Variants in KLHDC2 observed in about 807,000 individuals in gnomAD.
KLHDC2 encodes the protein kelch domain containing 2.
Under a neutral mutation model 62.3 loss-of-function variants are expected in KLHDC2, and 38 were observed. That is an observed-to-expected ratio of 0.61 (90% CI 0.47 to 0.80). KLHDC2 has a LOEUF of 0.80. Among genes scored for constraint, KLHDC2 ranks in the 30% least tolerant of loss-of-function variants. The probability of loss-of-function intolerance (pLI) is 0.00; values close to 1 mark genes in which losing one functional copy is unlikely to be tolerated. For missense variants in KLHDC2, 430 were observed against 495.3 expected (o/e 0.87, Z 1.25); for synonymous variants, 159 against 161.0 (o/e 0.99, Z 0.09).
Position 49,771,616 on chromosome 14 carries a change from A to G in KLHDC2, c.176A>G (p.Tyr59Cys). 6.7e-7 allele frequency: 1 copy of G among 1,492,970 alleles called. No individual in the cohort carries two copies. Among genetic ancestry groups the G allele is most frequent in the Non-Finnish European group, 9.3e-7 (1 of 1,070,052 alleles). 92.5% of individuals were successfully genotyped at this position (1,492,970 alleles called of 1,614,324 possible). A position where few individuals can be genotyped will look rare whatever the true frequency, so the allele number is the denominator to read the frequency against. Reference sequence around the variant, plus strand: ...TAGAGTAATCAAGTCAGAGGATTATATGACTTTTATCTGCCTAGAGAAGAA... The same window carrying G: ...TAGAGTAATCAAGTCAGAGGATTATGTGACTTTTATCTGCCTAGAGAAGAA... The part of the protein sequence containing the change: ...GYKSNQVRGL[Y>C]DFYLPREELW... The change falls in exon 2 of 13, where the codon TAT becomes TGT. Residue 59 changes from tyrosine (Y) to cysteine (C), a missense_variant. By Grantham distance (194) the Tyr-to-Cys change is radical (BLOSUM62 -2). Coordinates refer to ENST00000298307, the MANE Select transcript of KLHDC2 (RefSeq NM_014315.3).
At chr14:49,779,390 C>T (rs1218989635) in intron 6 of KLHDC2, among the ~76,000 whole-genome samples, 3 of 152,130 alleles carry the variant, frequency 2.0e-5, no homozygotes, top group African/African-American at 7.2e-5. Context: ...GTTAGCCAGC[C>T]CATTCAGTAA....
In KLHDC2 at chr14:49,778,199, T is replaced by C; in HGVS notation, c.489T>C (p.Tyr163=). Residue 163 remains tyrosine (Y), a synonymous_variant, in exon 5 of 13, where the codon TAT becomes TAC. Coordinates refer to ENST00000298307, the MANE Select transcript of KLHDC2 (RefSeq NM_014315.3). ...ACAGGTTAATATTTTTTGGAGGGTA[T>C]GGATATTTGCCTGAAGATAAAGTAT... ...YKNKLIFFGG[Y]GYLPEDKVLG... is the part of the protein sequence containing the mutation. The C allele has an allele frequency of 6.2e-7, 1 of 1,607,154 alleles. No individual in the cohort carries two copies. The highest frequency in any genetic ancestry group is 1.7e-5 in the Admixed American group (1 of 59,012).
intron 1 of KLHDC2, among the ~76,000 whole-genome samples, chr14:49,770,372 C>T (rs1889637648): frequency 6.6e-6 from 1 of 152,202 alleles, no homozygotes; most frequent in African/African-American, 2.4e-5. Context: ...CAGGCTGGTC[C>T]CCTGTGGGTC....
At position 49,779,683 on chromosome 14, in the gene KLHDC2, T is replaced by C; in HGVS notation, c.714+8T>C. Reference sequence around the variant, plus strand: ...TTTGGAGGCAGATATCGAGTAAGTATTCAAACGACTTCAATGACTTGCTTT... The same window carrying C: ...TTTGGAGGCAGATATCGAGTAAGTACTCAAACGACTTCAATGACTTGCTTT... On this transcript the variant is annotated splice_region_variant and intron_variant, in intron 7 of 12. Coordinates refer to ENST00000298307, the MANE Select transcript of KLHDC2 (RefSeq NM_014315.3). The C allele has an allele frequency of 6.2e-7, 1 of 1,613,166 alleles. No homozygotes were observed.
rs1394768631 is a variant in KLHDC2 at position 49,786,127 on chromosome 14, G to C, written c.*3174G>C. On this transcript the variant is annotated 3_prime_UTR_variant, in exon 13 of 13. Coordinates refer to ENST00000298307, the MANE Select transcript of KLHDC2 (RefSeq NM_014315.3). ...CACGATGAGGGGTGAGAAGGAATAGGTAGGGGCTGCTACTGGGATCTAGTG... is the reference window on the plus strand; with the variant it reads ...CACGATGAGGGGTGAGAAGGAATAGCTAGGGGCTGCTACTGGGATCTAGTG... The C allele has an allele frequency of 6.5e-6, 1 of 153,082 alleles. No individual in the cohort carries two copies. Among genetic ancestry groups the C allele is most frequent in the African/African-American group, 2.4e-5 (1 of 41,408 alleles). The allele number at this position is 153,082 out of a possible 1,614,324, so 9.5% of individuals were successfully genotyped here.
At chr14:49,775,155 G>C (rs1410673163) in intron 3 of KLHDC2, among the ~76,000 whole-genome samples, 1 of 152,164 alleles carries the variant, frequency 6.6e-6, no homozygotes, top group East Asian at 1.9e-4. Flanking sequence ...TTTGTTCCAA[G>C]TAGGAAAAAA....
chr14:49,768,567 C>T lies in KLHDC2; in HGVS notation c.99C>T (p.Ser33=). ...SMELACPAER[S]GHVAVSDGRH... is the part of the protein sequence containing the mutation. ...AGCTTGCCTGCCCCGCTGAGCGCAGCGGCCACGTAGCCGTCAGCGACGGGC... is the reference window on the plus strand; with the variant it reads ...AGCTTGCCTGCCCCGCTGAGCGCAGTGGCCACGTAGCCGTCAGCGACGGGC... Residue 33 remains serine (S), a synonymous_variant, in exon 1 of 13, where the codon AGC becomes AGT. Transcript: ENST00000298307. The T allele has an allele frequency of 6.2e-7, 1 of 1,607,130 alleles. No individual in the cohort carries two copies.
rs761550853 is a variant in KLHDC2, at chr14:49,777,887, A to G, written c.400A>G (p.Arg134Gly). The change falls in exon 4 of 13, where the codon AGA becomes GGA. Residue 134 changes from arginine to glycine, a missense_variant. Physicochemically the swap from Arg to Gly is moderately radical, Grantham distance 125 (BLOSUM62 -2). Coordinates refer to ENST00000298307, the MANE Select transcript of KLHDC2 (RefSeq NM_014315.3). Reference protein sequence around the residue: ...RSTDRVLQWERIDCQGIPPSS... With the variant: ...RSTDRVLQWEGIDCQGIPPSS... ...TACAGACAGAGTGTTACAGTGGGAA[A>G]GAATTGATTGCCAAGGAATTCCTCC... 2 of 1,612,326 alleles carry G rather than the reference A, an allele frequency of 1.2e-6. No homozygotes were observed. The highest frequency in any genetic ancestry group is 1.3e-5 in the African/African-American group (1 of 74,906).
Position 49,783,104 on chromosome 14 carries a change from G to A in KLHDC2, c.*151G>A, listed in dbSNP as rs1889989440. 1 of 617,846 alleles carries A rather than the reference G, an allele frequency of 1.6e-6. No individual in the cohort carries two copies. Among genetic ancestry groups the A allele is most frequent in the African/African-American group, 1.9e-5 (1 of 52,634 alleles). The allele number at this position is 617,846 out of a possible 1,614,324, so 38.3% of individuals were successfully genotyped here. A position where few individuals can be genotyped will look rare whatever the true frequency, so the allele number is the denominator to read the frequency against. ...TGAATGGCCTAGAGAACCTATTTTT[G>A]TGTCTAAAGTTTACAATAAATGTAT... is the stretch of plus-strand genomic sequence containing the variant. On this transcript the variant is annotated 3_prime_UTR_variant, in exon 13 of 13. Transcript: ENST00000298307.
chr14:49,776,549 G>A (rs1235632494), intron 3 of KLHDC2, among the ~76,000 whole-genome samples: 2 of 152,004 alleles, frequency 1.3e-5, no homozygotes, highest in African/African-American at 2.4e-5. Context: ...CACCGAACAT[G>A]TATTTGTTAA....
At chr14:49,768,750 ACT>A (rs1193081195) in intron 1 of KLHDC2, 129 bp downstream of exon 1, 2 of 820,534 alleles carry the variant, frequency 2.4e-6, no homozygotes, top group Admixed American at 7.7e-5. Flanking sequence ...CCCACCTCAG[ACT>A]CTGCCCGTTG....
chr14:49,775,398 T>C (rs1486104396), intron 3 of KLHDC2, among the ~76,000 whole-genome samples: 2 of 152,146 alleles, frequency 1.3e-5, no homozygotes, highest in Admixed American at 1.3e-4. Context: ...GGGACACATA[T>C]AGTAAGTAAA....
chr14:49,779,528 C>G (rs1889842933), intron 6 of KLHDC2, 67 bp from the exon 7 acceptor site: 1 of 1,195,074 alleles, frequency 8.4e-7, no homozygotes. Context: ...ATCCCATATC[C>G]AGAGTAGACA....
intron 1 of KLHDC2, among the ~76,000 whole-genome samples, chr14:49,771,347 T>TA (rs34165615): frequency 0.024 from 3,422 of 141,914 alleles, 147 homozygotes; most frequent in African/African-American, 0.082. Flanking sequence ...AGACTTGGAC[T>TA]AAAAAAAAAA....
rs1481537895 is a variant in KLHDC2 at position 49,786,081 on chromosome 14, T to C, written c.*3128T>C. 6.5e-6 allele frequency: 1 copy of C among 152,692 alleles called. No homozygotes were observed. The highest frequency in any genetic ancestry group is 6.5e-5 in the Admixed American group (1 of 15,306). The allele number at this position is 152,692 out of a possible 1,614,324, so 9.5% of individuals were successfully genotyped here. On this transcript the variant is annotated 3_prime_UTR_variant, in exon 13 of 13. Coordinates refer to ENST00000298307, the MANE Select transcript of KLHDC2 (RefSeq NM_014315.3). ...TGCCCTCAGAAGACAATGGGCAATGTCTAGAGATAGTTTTCGTTGACACGA... is the reference window on the plus strand; with the variant it reads ...TGCCCTCAGAAGACAATGGGCAATGCCTAGAGATAGTTTTCGTTGACACGA...
intron 10 of KLHDC2, chr14:49,782,155 T>C: frequency 1.9e-6 from 1 of 516,218 alleles, no homozygotes; most frequent in Non-Finnish European, 3.4e-6. Flanking sequence ...ATTGCATAAA[T>C]GAGAACGACC....
At chr14:49,771,459 T>G in intron 1 of KLHDC2, 135 bp from the exon 2 acceptor site, 1 of 526,196 alleles carries the variant, frequency 1.9e-6, no homozygotes. Flanking sequence ...GTGGCATGGG[T>G]GGGGGAGGAT....
In KLHDC2 at chr14:49,783,583, A is replaced by G. The variant is rs1225855451; in HGVS notation, c.*630A>G. 1 of 152,116 alleles carries G rather than the reference A, an allele frequency of 6.6e-6. No homozygotes were observed. Among genetic ancestry groups the G allele is most frequent in the Non-Finnish European group, 1.5e-5 (1 of 68,012 alleles). 9.4% of individuals were successfully genotyped at this position (152,116 alleles called of 1,614,324 possible). On this transcript the variant is annotated 3_prime_UTR_variant, in exon 13 of 13. Transcript: ENST00000298307. The stretch of plus-strand genomic sequence containing the variant: ...AGCTCATGAAGGAATGGAAATAATG[A>G]TGACATCATTTTCCATTCTGTTAAG...
chr14:49,780,574 G>T, intron 9 of KLHDC2, 129 bp from the exon 10 acceptor site: 1 of 731,700 alleles, frequency 1.4e-6, no homozygotes, highest in Non-Finnish European at 2.4e-6. Flanking sequence ...ATTGCAGGGG[G>T]GGGAAAAAAA....
Sources: allele counts gnomAD v4.1 joint callset (sites outside exome capture counted in the v4.1 genomes callset), GRCh38; gene constraint gnomAD v4.1.1; transcripts MANE v1.5; gene names NCBI Gene and HGNC (gene_info 2026-07-23, HGNC 2026-07-21).